CRYBG3: variants seen among roughly 807,000 people sequenced by gnomAD.
The protein encoded by CRYBG3 is crystallin beta-gamma domain containing 3, also known as very large A-kinase anchor protein.
In CRYBG3, 127 loss-of-function variants were observed where a neutral mutation model predicts 244.2. That is an observed-to-expected ratio of 0.52 (90% CI 0.45 to 0.60). CRYBG3 has a LOEUF of 0.60. CRYBG3 is among the 20% of genes least tolerant of loss of function. CRYBG3 has a pLI of 0.00. For missense variants in CRYBG3, 3,325 were observed against 3,442.5 expected, an observed-to-expected ratio of 0.97 and a Z score of 0.85; for synonymous variants, 1,132 against 1,195.8, an observed-to-expected ratio of 0.95 and a Z score of 1.10.
chr3:97,862,090 G>GTT (rs5851082), intron 2 of CRYBG3, among the ~76,000 whole-genome samples: 40 of 150,496 alleles, frequency 2.7e-4, no homozygotes, highest in South Asian at 2.1e-4. Context: ...GGAGAAACAA[G>GTT]TTTTTTTTTT....
intron 1 of CRYBG3, among the ~76,000 whole-genome samples, chr3:97,840,102 G>T (rs2038790955): frequency 6.6e-6 from 1 of 151,950 alleles, no homozygotes. Flanking sequence ...CCAGAACTAA[G>T]CTGTAAAGGA....
chr3:97,895,733 G>T (rs1334064870), intron 11 of CRYBG3, among the ~76,000 whole-genome samples: 1 of 152,136 alleles, frequency 6.6e-6, no homozygotes, highest in East Asian at 1.9e-4. Context: ...TTGCTTTGTT[G>T]CAGTTCTATA....
chr3:97,900,591 C>A, intron 15 of CRYBG3, 106 bp downstream of exon 15: 1 of 708,412 alleles, frequency 1.4e-6, no homozygotes, highest in Non-Finnish European at 2.5e-6. Context: ...ATGTGTCTCT[C>A]TGGCAGAGCA....
In CRYBG3 at chr3:97,880,112, C is replaced by A; in HGVS notation, c.7004+12C>A. ...GTTGTAAGGGGCTGGTAAGAAGTTT[C>A]TTAAAATTTTATAGCATATTTTCTT... On this transcript the variant is annotated intron_variant, in intron 6 of 21. Coordinates refer to ENST00000389622, the MANE Select transcript of CRYBG3 (RefSeq NM_153605.4). 7.3e-7 allele frequency: 1 copy of A among 1,374,542 alleles called. No homozygotes were observed. The highest frequency in any genetic ancestry group is 1.0e-6 in the Non-Finnish European group (1 of 987,042). 85.1% of individuals were successfully genotyped at this position (1,374,542 alleles called of 1,614,324 possible).
In CRYBG3 at chr3:97,875,253, T is replaced by C. The variant is rs1232535193; in HGVS notation, c.4059T>C (p.Asp1353=). The C allele has an allele frequency of 1.3e-6, 2 of 1,509,404 alleles. No homozygotes were observed. Among genetic ancestry groups the C allele is most frequent in the African/African-American group, 2.8e-5 (2 of 71,704 alleles). 93.5% of individuals were successfully genotyped at this position (1,509,404 alleles called of 1,614,324 possible). A position where few individuals can be genotyped will look rare whatever the true frequency, so the allele number is the denominator to read the frequency against. The change falls in exon 4 of 22, where the codon GAT becomes GAC. Residue 1353 remains aspartate (D), a synonymous_variant. Coordinates refer to ENST00000389622, the MANE Select transcript of CRYBG3 (RefSeq NM_153605.4). ...ILNSDSVKPH[D]VVREFLVSEQ... is the part of the protein sequence containing the mutation. ...ACAGTGATAGTGTTAAGCCACATGA[T>C]GTAGTTAGAGAGTTCTTGGTTTCAG...
intron 18 of CRYBG3, among the ~76,000 whole-genome samples, chr3:97,934,382 G>A (rs2040136081): frequency 6.6e-6 from 1 of 152,064 alleles, no homozygotes; most frequent in South Asian, 2.1e-4. Context: ...CTGTAAGTGA[G>A]GGGCCTTGAA....
intron 18 of CRYBG3, among the ~76,000 whole-genome samples, chr3:97,934,917 TTTC>T (rs2040143598): frequency 1.3e-5 from 2 of 152,084 alleles, no homozygotes; most frequent in African/African-American, 4.8e-5. Flanking sequence ...AATTTCTCAC[TTTC>T]TTATTTCATT....
intron 1 of CRYBG3, among the ~76,000 whole-genome samples, chr3:97,837,890 A>G (rs2038756567): frequency 6.6e-6 from 1 of 152,074 alleles, no homozygotes. Flanking sequence ...ATGCAGTCAC[A>G]GTTATGTATG....
In CRYBG3 at chr3:97,874,767, C is replaced by T; in HGVS notation, c.3573C>T (p.Asp1191=). Residue 1191 remains aspartate (D), a synonymous_variant, in exon 4 of 22, where the codon GAC becomes GAT. Coordinates refer to ENST00000389622, the MANE Select transcript of CRYBG3 (RefSeq NM_153605.4). ...GAAGAGCACATGACCAACTTTTGGA[C>T]CTCAAAAGTAGTTTACTCAAAAAGG... The part of the protein sequence containing the change: ...ARRRAHDQLL[D]LKSSLLKKAD... 1 of 1,535,900 alleles carries T rather than the reference C, an allele frequency of 6.5e-7. No individual in the cohort carries two copies. The highest frequency in any genetic ancestry group is 8.7e-7 in the Non-Finnish European group (1 of 1,146,834).
Position 97,936,780 on chromosome 3 carries a change from C to A in CRYBG3, c.8382-5C>A. On this transcript the variant is annotated splice_polypyrimidine_tract_variant and splice_region_variant and intron_variant, in intron 18 of 21. Transcript: ENST00000389622. ...ACACTACTTTTTTCTTTCTTGTTCT[C>A]ATAGATGGATAGCTTATGAAGGATC... is the stretch of plus-strand genomic sequence containing the variant. The A allele has an allele frequency of 6.2e-7, 1 of 1,610,532 alleles. No homozygotes were observed. Among genetic ancestry groups the A allele is most frequent in the South Asian group, 1.1e-5 (1 of 90,548 alleles).
In CRYBG3 at chr3:97,872,041, T is replaced by C. The variant is rs1449735085; in HGVS notation, c.847T>C (p.Leu283=). 6.5e-7 allele frequency: 1 copy of C among 1,535,670 alleles called. No homozygotes were observed. Among genetic ancestry groups the C allele is most frequent in the African/African-American group, 1.4e-5 (1 of 73,038 alleles). ...SEIEAGVLPL[L]LSASTDSSMK... is the part of the protein sequence containing the mutation. ...GATTGAGGCTGGGGTACTGCCACTG[T>C]TGTTATCAGCTAGTACAGACTCATC... Residue 283 remains leucine (L), a synonymous_variant, in exon 4 of 22, where the codon TTG becomes CTG. Transcript: ENST00000389622.
At chr3:97,892,735 T>C (rs2039594740) in intron 10 of CRYBG3, 125 bp from the exon 11 acceptor site, 2 of 536,664 alleles carry the variant, frequency 3.7e-6, no homozygotes, top group South Asian at 4.1e-5. Flanking sequence ...CATGAACTTT[T>C]TGAAATCTCC....
chr3:97,918,881 A>G (rs1211351987), intron 17 of CRYBG3, among the ~76,000 whole-genome samples: 1 of 152,164 alleles, frequency 6.6e-6, no homozygotes, highest in Non-Finnish European at 1.5e-5. Context: ...TTCTGCTCAG[A>G]TTCATTTTGC....
rs1175131647 is a variant in CRYBG3 at position 97,893,005 on chromosome 3, A to AT, written c.7574+17dup. 3.1e-6 allele frequency: 5 copies of AT among 1,587,572 alleles called. No individual in the cohort carries two copies. The highest frequency in any genetic ancestry group is 1.4e-5 in the African/African-American group (1 of 73,062). ...GTCATTGGTGGAGTGTGAGTATCAT[A>AT]TTTTTAACATTTGCACAAGTAGTCT... On this transcript the variant is annotated intron_variant, in intron 11 of 21. Transcript: ENST00000389622.
At chr3:97,937,503 T>G (rs1423461210) in intron 19 of CRYBG3, among the ~76,000 whole-genome samples, 6 of 152,106 alleles carry the variant, frequency 3.9e-5, no homozygotes, top group Non-Finnish European at 1.5e-5. Flanking sequence ...CATTCTTTAT[T>G]TGACTAGTCA....
At chr3:97,848,462 C>T (rs1244531979) in intron 2 of CRYBG3, among the ~76,000 whole-genome samples, 15 of 152,070 alleles carry the variant, frequency 9.9e-5, no homozygotes, top group Admixed American at 3.9e-4. Flanking sequence ...CCACCACTCT[C>T]GGCTAATTTT....
At chr3:97,843,406 A>G in intron 2 of CRYBG3, 145 bp downstream of exon 2, 1 of 590,864 alleles carries the variant, frequency 1.7e-6, no homozygotes, top group South Asian at 2.4e-5. Context: ...ACTTTGTCAG[A>G]CACTTGCATC....
At chr3:97,937,664 G>A (rs2040179612) in intron 19 of CRYBG3, among the ~76,000 whole-genome samples, 1 of 151,900 alleles carries the variant, frequency 6.6e-6, no homozygotes, top group African/African-American at 2.4e-5. Flanking sequence ...GTTGGATCGG[G>A]GTCTCTCCCA....
intron 3 of CRYBG3, among the ~76,000 whole-genome samples, chr3:97,865,082 C>T (rs2039208926): frequency 6.6e-6 from 1 of 152,120 alleles, no homozygotes. Flanking sequence ...CTTTATGAAT[C>T]TTTACACAGC....
Sources: gnomAD v4.1 joint callset for allele counts (sites outside exome capture counted in the v4.1 genomes callset) on GRCh38, gnomAD v4.1.1 for gene constraint, MANE v1.5 for transcripts, NCBI Gene and HGNC (gene_info 2026-07-23, HGNC 2026-07-21) for gene names.